The following ARHGAP32 variants were observed in gnomAD, a reference collection of about 807,000 sequenced individuals.
The protein encoded by ARHGAP32 is Rho GTPase activating protein 32, also known as rho GTPase-activating protein 32.
Under a neutral mutation model 186.5 loss-of-function variants are expected in ARHGAP32, and 51 were observed. The observed-to-expected ratio is 0.27, with a 90% CI of 0.22 to 0.35. ARHGAP32 has a LOEUF of 0.35. Ranked by LOEUF, ARHGAP32 falls within the 10% of genes least tolerant of loss-of-function variation. The pLI is 1.00. For missense variants in ARHGAP32, 2,186 were observed against 2,623.5 expected, an observed-to-expected ratio of 0.83 and a Z score of 3.64; for synonymous variants, 950 against 964.3, an observed-to-expected ratio of 0.99 and a Z score of 0.27.
intron 1 of ARHGAP32, among the ~76,000 whole-genome samples, chr11:129,171,994 T>C (rs993175420): frequency 6.6e-6 from 1 of 152,194 alleles, no homozygotes; most frequent in African/African-American, 2.4e-5. Flanking sequence ...CAAAAAGGAA[T>C]GCTTGGGATT....
chr11:129,057,066 C>G (rs534493759), intron 10 of ARHGAP32, among the ~76,000 whole-genome samples: 26 of 152,276 alleles, frequency 1.7e-4, no homozygotes, highest in African/African-American at 5.3e-4. Flanking sequence ...TGACAGGGTT[C>G]ACATGTAACC....
intron 1 of ARHGAP32, among the ~76,000 whole-genome samples, chr11:129,266,223 A>G (rs1945398692): frequency 1.3e-5 from 2 of 152,198 alleles, no homozygotes; most frequent in African/African-American, 4.8e-5. Context: ...CTACTTGAGT[A>G]AGAAAATGTC....
In ARHGAP32 at chr11:129,263,688, G is replaced by A. The variant is rs867171211; in HGVS notation, c.-5+15458C>T. On this transcript the variant is annotated intron_variant, in intron 1 of 6. Coordinates refer to the ARHGAP32 transcript ENST00000525234. Reference sequence around the variant, plus strand: ...GAAGGAGGAGGAGGAAGAAAAGAAAGAGAAAAAGAAAGAGGAAAGAGGAAA... The same window carrying A: ...GAAGGAGGAGGAGGAAGAAAAGAAAAAGAAAAAGAAAGAGGAAAGAGGAAA... Among the ~76,000 whole-genome samples the A allele has an allele frequency of 9.9e-3, 1,477 of 149,690 alleles. 28 individuals carry two copies. The highest frequency in any genetic ancestry group is 0.035 in the African/African-American group (1,409 of 40,478).
chr11:128,989,631 T>C (rs1265179342), intron 12 of ARHGAP32, among the ~76,000 whole-genome samples: 1 of 152,094 alleles, frequency 6.6e-6, no homozygotes, highest in Non-Finnish European at 1.5e-5. Flanking sequence ...TACGTAAGTA[T>C]ACACATGCCA....
intron 10 of ARHGAP32, among the ~76,000 whole-genome samples, chr11:129,047,379 C>CA (rs983069044): frequency 6.6e-6 from 1 of 152,144 alleles, no homozygotes; most frequent in Admixed American, 6.5e-5. Context: ...TCTATAACAA[C>CA]AAAAGTACAA....
chr11:128,982,142 A>G (rs572513330), intron 15 of ARHGAP32, among the ~76,000 whole-genome samples: 6 of 152,218 alleles, frequency 3.9e-5, no homozygotes, highest in Non-Finnish European at 8.8e-5. Flanking sequence ...TCTGGAACAA[A>G]TAATATTTTG....
chr11:129,193,730 A>AT (rs1439546196), upstream of ARHGAP32, among the ~76,000 whole-genome samples: 637 of 98,588 alleles, frequency 6.5e-3, 4 homozygotes, highest in African/African-American at 0.017. Flanking sequence ...TATATTATAT[A>AT]TAATATATAT....
chr11:129,036,451 C>T (rs1285713571), intron 11 of ARHGAP32, among the ~76,000 whole-genome samples: 1 of 149,200 alleles, frequency 6.7e-6, no homozygotes, highest in Non-Finnish European at 1.5e-5. Flanking sequence ...ATTTTAATGC[C>T]AATATTAGGC....
At chr11:129,051,952 T>TC (rs1940065204) in intron 10 of ARHGAP32, among the ~76,000 whole-genome samples, 1 of 41,824 alleles carries the variant, frequency 2.4e-5, no homozygotes, top group Non-Finnish European at 4.2e-5. Context: ...AGATTCTGTC[T>TC]CAAAAAAAAA....
intron 10 of ARHGAP32, among the ~76,000 whole-genome samples, chr11:129,059,341 C>A (rs959397625): frequency 6.6e-6 from 1 of 152,144 alleles, no homozygotes; most frequent in Non-Finnish European, 1.5e-5. Flanking sequence ...ATGTAAAGTA[C>A]TGAGCTATAC....
chr11:129,065,093 T>C (rs1940641400), intron 7 of ARHGAP32, among the ~76,000 whole-genome samples, 160 bp from the exon 8 acceptor site: 1 of 152,132 alleles, frequency 6.6e-6, no homozygotes, highest in South Asian at 2.1e-4. Context: ...CTATGGGCAC[T>C]TACATAGCAA....
At chr11:129,065,519 T>C (rs556818849) in intron 7 of ARHGAP32, among the ~76,000 whole-genome samples, 1 of 152,156 alleles carries the variant, frequency 6.6e-6, no homozygotes, top group East Asian at 1.9e-4. Context: ...GGCCATGTTT[T>C]AGGATAATCT....
At chr11:129,180,187 C>T (rs1269392230) in intron 1 of ARHGAP32, among the ~76,000 whole-genome samples, 1 of 151,988 alleles carries the variant, frequency 6.6e-6, no homozygotes, top group Non-Finnish European at 1.5e-5. Flanking sequence ...GACTACTACT[C>T]ATAAATAAAA....
rs368420621 is a variant in ARHGAP32, at chr11:129,048,002, C to T, written c.964-6993G>A. On this transcript the variant is annotated intron_variant, in intron 10 of 22. Coordinates refer to ENST00000682385, the MANE Select transcript of ARHGAP32 (RefSeq NM_001378024.1). ...AGTTCCTCAGGTCCTTACTTTTTAG[C>T]TCTGGTTCCATTTACTTATAGCCTA... 2.6e-5 allele frequency among the ~76,000 whole-genome samples: 4 copies of T among 152,264 alleles called. No individual in the cohort carries two copies. In the East Asian group the frequency reaches 7.7e-4, roughly 29 times the overall value.
intron 6 of ARHGAP32, among the ~76,000 whole-genome samples, chr11:129,079,649 A>G (rs1266809013): frequency 6.6e-6 from 1 of 152,246 alleles, no homozygotes; most frequent in Non-Finnish European, 1.5e-5. Flanking sequence ...AACCTCCTTA[A>G]AGCATAAATC....
At chr11:129,193,718 T>TATATATC (rs1262078342), upstream of ARHGAP32, among the ~76,000 whole-genome samples, 45 of 42,730 alleles carry the variant, frequency 1.1e-3, 1 homozygote, top group Non-Finnish European at 1.9e-3. Flanking sequence ...TATTATATAT[T>TATATATC]ATATATTATA....
In ARHGAP32 at chr11:128,969,187, T is replaced by C. The variant is rs1945287050; in HGVS notation, c.6026A>G (p.Gln2009Arg). 6.2e-7 allele frequency: 1 copy of C among 1,613,718 alleles called. No individual in the cohort carries two copies. The highest frequency in any genetic ancestry group is 1.1e-5 in the South Asian group (1 of 90,994). Reference protein sequence around the residue: ...RSHSLKLHHTQNVERDPSVLY... With the variant: ...RSHSLKLHHTRNVERDPSVLY... ...CACACTGGGGTCCCTCTCCACGTTC[T>C]GGGTATGATGGAGTTTGAGGCTATG... is the stretch of plus-strand genomic sequence containing the variant. Residue 2009 changes from glutamine to arginine, a missense_variant, in exon 23 of 23, where the codon CAG becomes CGG. Gln to Arg is a conservative substitution (Grantham distance 43). Coordinates refer to ENST00000682385, the MANE Select transcript of ARHGAP32 (RefSeq NM_001378024.1). This position sits in a 1 kb window ranked among gnomAD's most constrained non-coding sequence, Gnocchi z 4.8.
chr11:129,183,528 T>C (rs906473731), intron 1 of ARHGAP32, among the ~76,000 whole-genome samples: 15 of 152,178 alleles, frequency 9.9e-5, no homozygotes, highest in African/African-American at 3.4e-4. Context: ...TTAGAGTTTG[T>C]TGTTAAGTTT....
chr11:129,218,789 A>T (rs1448726815), intron 1 of ARHGAP32, among the ~76,000 whole-genome samples: 1 of 152,186 alleles, frequency 6.6e-6, no homozygotes, highest in Non-Finnish European at 1.5e-5. Context: ...CCAATGAAAA[A>T]GTAAAACCTT....
Sources: gnomAD v4.1 joint callset for allele counts (sites outside exome capture counted in the v4.1 genomes callset) on GRCh38, gnomAD v4.1.1 for gene constraint, Gnocchi (gnomAD v3.1) non-coding constraint, MANE v1.5 for transcripts, NCBI Gene and HGNC (gene_info 2026-07-23, HGNC 2026-07-21) for gene names.